Variants in ETS1 observed in about 807,000 individuals in gnomAD.
ETS1 encodes the protein ETS proto-oncogene 1, transcription factor, also known as protein C-ets-1.
ETS1 carries 15 observed loss-of-function variants against 58.6 expected under a neutral mutation model. That is an observed-to-expected ratio of 0.26 (90% CI 0.17 to 0.39). The LOEUF (loss-of-function observed/expected upper bound fraction) is 0.39, where lower values mean the gene tolerates loss of function less well. ETS1 is among the 10% of genes least tolerant of loss of function. ETS1 has a pLI of 1.00. For synonymous variants in ETS1, 214 were observed against 218.2 expected, an observed-to-expected ratio of 0.98 and a Z score of 0.17; for missense variants, 417 against 610.5, an observed-to-expected ratio of 0.68 and a Z score of 3.34.
chr11:128,571,936 C>G (rs536425196), intron 2 of ETS1: 3 of 151,410 alleles, frequency 2.0e-5, no homozygotes, highest in Non-Finnish European at 2.9e-5. Context: ...CCCAGCCACT[C>G]GGGAGGCTGA....
At chr11:128,505,643 C>G (rs1429968931) in intron 3 of ETS1, among the ~76,000 whole-genome samples, 2 of 152,182 alleles carry the variant, frequency 1.3e-5, no homozygotes, top group Non-Finnish European at 2.9e-5. Context: ...GGTGGTAAGT[C>G]GCCAGGCAGA....
intron 1 of ETS1, among the ~76,000 whole-genome samples, chr11:128,574,380 G>C (rs1864700187): frequency 1.3e-5 from 2 of 152,124 alleles, no homozygotes; most frequent in African/African-American, 4.8e-5. Context: ...AATTAACTAA[G>C]GGTCTGAATA....
rs1474285519 is a variant in ETS1, at chr11:128,549,228, C to T, written c.214+7063G>A. Among the ~76,000 whole-genome samples, 1 of 152,158 alleles carries T rather than the reference C, an allele frequency of 6.6e-6. No individual in the cohort carries two copies. The highest frequency in any genetic ancestry group is 1.5e-5 in the Non-Finnish European group (1 of 68,016). ...ACAGCACTACAGGCTGTCCCTGCGG[C>T]GCAGCCCGCCCCCACCCTCCACTCT... On this transcript the variant is annotated intron_variant, in intron 3 of 9. Coordinates refer to ENST00000392668, the MANE Select transcript of ETS1 (RefSeq NM_001143820.2). The surrounding 1 kb of genome is among the most constrained non-coding windows in gnomAD (Gnocchi z 4.3).
intron 7 of ETS1, among the ~76,000 whole-genome samples, chr11:128,482,983 A>G (rs1265263517): frequency 6.6e-6 from 1 of 152,230 alleles, no homozygotes; most frequent in Non-Finnish European, 1.5e-5. Context: ...TGAATACTGT[A>G]CTATGGTTAG....
chr11:128,585,009 AAGGAAAGAAAG>A (rs1187591353), intron 1 of ETS1, among the ~76,000 whole-genome samples: 1 of 41,774 alleles, frequency 2.4e-5, no homozygotes. Context: ...GAAGGAAAGA[AAGGAAAGAAAG>A]AAGAAAGAAA....
chr11:128,522,180 G>T lies in ETS1; in HGVS notation c.215-31604C>A, dbSNP rs1863697462. The T allele has an allele frequency of 5.5e-6, 7 of 1,269,714 alleles. No individual in the cohort carries two copies. In the South Asian group the frequency reaches 1.6e-4, roughly 29 times the overall value. The allele number at this position is 1,269,714 out of a possible 1,614,324, so 78.7% of individuals were successfully genotyped here. On this transcript the variant is annotated intron_variant, in intron 3 of 9. Transcript: ENST00000392668. ...ACGGTGCGCGCCCGGCACTCCAGGG[G>T]AAGTTGGCACTTTGCGGCGAAGTGA...
chr11:128,481,233 A>T (rs1033112005), intron 7 of ETS1, among the ~76,000 whole-genome samples: 7 of 152,242 alleles, frequency 4.6e-5, no homozygotes, highest in Admixed American at 3.9e-4. Context: ...TAAAAGGTTT[A>T]TTAAAGAGTT....
chr11:128,473,296 T>C (rs953860270), intron 8 of ETS1, among the ~76,000 whole-genome samples: 1 of 152,176 alleles, frequency 6.6e-6, no homozygotes, highest in African/African-American at 2.4e-5. Context: ...GAACTTAGAA[T>C]TATACTGGAA....
In ETS1 at chr11:128,460,885, G is replaced by A. The variant is rs1168062352; in HGVS notation, c.*1476C>T. 1 of 152,272 alleles carries A rather than the reference G, an allele frequency of 6.6e-6. No homozygotes were observed. The highest frequency in any genetic ancestry group is 1.9e-4 in the East Asian group (1 of 5,330). The allele number at this position is 152,272 out of a possible 1,614,324, so 9.4% of individuals were successfully genotyped here. A position where few individuals can be genotyped will look rare whatever the true frequency, so the allele number is the denominator to read the frequency against. ...CCAAGACATCAGACCCAAGCAAGAG[G>A]CCCTGGCATCACCTGTGCCATTCAT... is the stretch of plus-strand genomic sequence containing the variant. On this transcript the variant is annotated 3_prime_UTR_variant, in exon 10 of 10. Coordinates refer to ENST00000392668, the MANE Select transcript of ETS1 (RefSeq NM_001143820.2).
chr11:128,497,623 G>A (rs1862976906), intron 3 of ETS1: 1 of 982,880 alleles, frequency 1.0e-6, no homozygotes, highest in Non-Finnish European at 1.2e-6. Flanking sequence ...TGGTAGGGAA[G>A]CAGGAAAAAC....
rs1447435637 is a variant in ETS1, at chr11:128,484,852, T to C, written c.833A>G (p.Asp278Gly). Residue 278 changes from aspartate (D) to glycine (G), a missense_variant, in exon 7 of 10, where the codon GAC becomes GGC. Transcript: ENST00000392668. ...FAIKQEVVTP[D>G]NMCMGRTSRG... is the part of the protein sequence containing the mutation. Reference sequence around the variant, plus strand: ...ACTGGTCCTCCCCATGCACATGTTGTCTGGGGTGACGACTTCTTGTTTGAT... The same window carrying C: ...ACTGGTCCTCCCCATGCACATGTTGCCTGGGGTGACGACTTCTTGTTTGAT... 3.7e-6 allele frequency: 6 copies of C among 1,613,938 alleles called. No homozygotes were observed. Among genetic ancestry groups the C allele is most frequent in the Non-Finnish European group, 5.1e-6 (6 of 1,179,842 alleles).
chr11:128,520,477 T>C lies in ETS1; in HGVS notation c.215-29901A>G, dbSNP rs190662293. On this transcript the variant is annotated intron_variant, in intron 3 of 9. Transcript: ENST00000392668. ...TTGAGTTTATATCTTTGATGTGAACTATCTTTTCACTTCTATATATGGTTT... is the reference window on the plus strand; with the variant it reads ...TTGAGTTTATATCTTTGATGTGAACCATCTTTTCACTTCTATATATGGTTT... Among the ~76,000 whole-genome samples the C allele has an allele frequency of 4.1e-3, 620 of 152,366 alleles. 1 individual carries two copies. Among genetic ancestry groups the C allele is most frequent in the Non-Finnish European group, 6.2e-3 (422 of 68,030 alleles).
intron 1 of ETS1, among the ~76,000 whole-genome samples, chr11:128,584,859 GGAA>G (rs905902515): frequency 2.0e-5 from 3 of 147,946 alleles, no homozygotes; most frequent in Non-Finnish European, 4.5e-5. Context: ...GGGAGGAAAG[GGAA>G]GGAGGAGGGA....
At chr11:128,475,761 C>T (rs1862305748) in intron 8 of ETS1, among the ~76,000 whole-genome samples, 1 of 152,068 alleles carries the variant, frequency 6.6e-6, no homozygotes, top group African/African-American at 2.4e-5. Context: ...CTGTGTTAGC[C>T]AGGATGGTCT....
In ETS1 at chr11:128,462,472, T is replaced by C. The variant is rs1861929130; in HGVS notation, c.1347A>G (p.Thr449=). 6.2e-7 allele frequency: 1 copy of C among 1,614,218 alleles called. No individual in the cohort carries two copies. Among genetic ancestry groups the C allele is most frequent in the African/African-American group, 1.3e-5 (1 of 75,056 alleles). ...YYYDKNIIHK[T]AGKRYVYRFV... ...AGCGGTACACGTAGCGTTTCCCCGC[T>C]GTCTTGTGGATGATGTTTTTGTCGT... The change falls in exon 10 of 10, where the codon ACA becomes ACG. Residue 449 remains threonine (T), a synonymous_variant. Coordinates refer to ENST00000392668, the MANE Select transcript of ETS1 (RefSeq NM_001143820.2).
At chr11:128,546,937 G>T (rs1864141624) in intron 3 of ETS1, among the ~76,000 whole-genome samples, 1 of 152,172 alleles carries the variant, frequency 6.6e-6, no homozygotes, top group South Asian at 2.1e-4. Context: ...CCTACCTCCA[G>T]CTCACTTTAG....
chr11:128,524,255 CT>C (rs1565396804), intron 3 of ETS1, among the ~76,000 whole-genome samples: 1 of 152,190 alleles, frequency 6.6e-6, no homozygotes, highest in African/African-American at 2.4e-5. Flanking sequence ...GAAAATTATT[CT>C]TTCTAATTCT....
rs1861926196 is a variant in ETS1, at chr11:128,462,371, G to A, written c.1448C>T (p.Ala483Val). The A allele has an allele frequency of 1.2e-6, 2 of 1,612,210 alleles. No individual in the cohort carries two copies. The highest frequency in any genetic ancestry group is 2.7e-5 in the African/African-American group (2 of 74,886). ...GCCCCTTCAGTGCCATCACTCGTCGGCATCTGGCTTGACGTCCAGCATGGC... is the reference window on the plus strand; with the variant it reads ...GCCCCTTCAGTGCCATCACTCGTCGACATCTGGCTTGACGTCCAGCATGGC... ...LHAMLDVKPD[A>V]DE The change falls in exon 10 of 10, where the codon GCC becomes GTC. Residue 483 changes from alanine to valine, a missense_variant. This residue lies in a region of ETS1 where 56 missense variants were observed against 156.1 expected (regional missense o/e 0.36). Coordinates refer to ENST00000392668, the MANE Select transcript of ETS1 (RefSeq NM_001143820.2).
chr11:128,575,424 G>A (rs1444653274), intron 1 of ETS1, among the ~76,000 whole-genome samples: 1 of 152,172 alleles, frequency 6.6e-6, no homozygotes, highest in Non-Finnish European at 1.5e-5. Context: ...AAGGGAGTAC[G>A]ATTGTATTTA....
Sources: gnomAD v4.1 joint callset for allele counts (sites outside exome capture counted in the v4.1 genomes callset) on GRCh38, gnomAD v4.1.1 for gene constraint, gnomAD v4.1.1 regional missense constraint, Gnocchi (gnomAD v3.1) non-coding constraint, MANE v1.5 for transcripts, NCBI Gene and HGNC (gene_info 2026-07-23, HGNC 2026-07-21) for gene names.